The following PIP5K1B variants were observed in gnomAD, a reference collection of about 807,000 sequenced individuals.
PIP5K1B encodes phosphatidylinositol-4-phosphate 5-kinase type 1 beta.
In PIP5K1B, 42 loss-of-function variants were observed where a neutral mutation model predicts 67.0. The ratio of observed to expected loss-of-function variants is 0.63; its 90% CI spans 0.49 to 0.81. PIP5K1B has a LOEUF of 0.81. Ranked by LOEUF, PIP5K1B falls within the 30% of genes least tolerant of loss-of-function variation. PIP5K1B has a pLI of 0.00. For synonymous variants in PIP5K1B, 214 were observed against 231.4 expected, an observed-to-expected ratio of 0.92 and a Z score of 0.68; for missense variants, 459 against 646.3, an observed-to-expected ratio of 0.71 and a Z score of 3.14.
At chr9:68,911,642 G>C (rs898676605) in intron 8 of PIP5K1B, among the ~76,000 whole-genome samples, 1 of 152,126 alleles carries the variant, frequency 6.6e-6, no homozygotes, top group African/African-American at 2.4e-5. Flanking sequence ...TGTAATCCCA[G>C]CACTTTAGGA....
At chr9:68,985,360 T>C (rs1830057109) in intron 14 of PIP5K1B, among the ~76,000 whole-genome samples, 1 of 151,982 alleles carries the variant, frequency 6.6e-6, no homozygotes, top group Admixed American at 6.6e-5. Flanking sequence ...CAAGCAATTC[T>C]CCTGCCTCAG....
intron 14 of PIP5K1B, among the ~76,000 whole-genome samples, chr9:68,965,820 G>T (rs561411358): frequency 6.6e-6 from 1 of 151,736 alleles, no homozygotes; most frequent in Admixed American, 6.6e-5. Context: ...ACAAAAATTC[G>T]CCAGGCATGA....
chr9:68,859,882 C>T (rs1471019737), intron 4 of PIP5K1B, among the ~76,000 whole-genome samples: 1 of 152,164 alleles, frequency 6.6e-6, no homozygotes, highest in Non-Finnish European at 1.5e-5. Context: ...TTCCACAAAG[C>T]AGACAAGATG....
intron 15 of PIP5K1B, among the ~76,000 whole-genome samples, chr9:68,992,788 C>T (rs1463740636): frequency 1.5e-5 from 2 of 136,742 alleles, no homozygotes; most frequent in Non-Finnish European, 3.0e-5. Flanking sequence ...TGCAATGAGC[C>T]GAGATCATGC....
chr9:68,915,640 T>G (rs1002548488), intron 8 of PIP5K1B, among the ~76,000 whole-genome samples: 1 of 152,038 alleles, frequency 6.6e-6, no homozygotes, highest in Non-Finnish European at 1.5e-5. Flanking sequence ...TTGACATCAC[T>G]CCTCCTTCCA....
chr9:68,729,562 C>A (rs2132284654), intron 1 of PIP5K1B, among the ~76,000 whole-genome samples: 1 of 152,280 alleles, frequency 6.6e-6, no homozygotes, highest in East Asian at 1.9e-4. Flanking sequence ...TCTATACACA[C>A]ATAATGGTCA....
rs78503573 is a variant in PIP5K1B, at chr9:68,904,014, T to C, written c.771+9376T>C. On this transcript the variant is annotated intron_variant, in intron 8 of 15. Transcript: ENST00000265382. ...TTTGAGCCAGACAATCTATTACATA[T>C]AGGTTCTCTCATTCATCTTCACAAC... Among the ~76,000 whole-genome samples, 4 of 152,344 alleles carry C rather than the reference T, an allele frequency of 2.6e-5. No individual in the cohort carries two copies. In the East Asian group the frequency reaches 7.7e-4, roughly 29 times the overall value.
intron 2 of PIP5K1B, among the ~76,000 whole-genome samples, chr9:68,777,438 G>T (rs1307944032): frequency 6.6e-6 from 1 of 152,212 alleles, no homozygotes; most frequent in Admixed American, 6.5e-5. Context: ...AGAGTAAGGG[G>T]CATGCAAATG....
intron 14 of PIP5K1B, among the ~76,000 whole-genome samples, chr9:68,988,919 A>G (rs1325297296): frequency 1.3e-5 from 2 of 148,264 alleles, no homozygotes; most frequent in South Asian, 4.3e-4. Context: ...ACATGGTGAA[A>G]CCCCACCTCT....
At chr9:68,938,377 T>C (rs1827380756) in intron 13 of PIP5K1B, among the ~76,000 whole-genome samples, 1 of 152,222 alleles carries the variant, frequency 6.6e-6, no homozygotes, top group Admixed American at 6.5e-5. Flanking sequence ...TCTTTTGATC[T>C]TTGTTGGTTT....
chr9:68,938,010 A>G (rs748487524), intron 13 of PIP5K1B, among the ~76,000 whole-genome samples: 4 of 152,118 alleles, frequency 2.6e-5, no homozygotes, highest in Non-Finnish European at 1.5e-5. Flanking sequence ...GGAGTGTTTT[A>G]CTTCCAATTA....
intron 4 of PIP5K1B, among the ~76,000 whole-genome samples, chr9:68,831,296 A>C (rs959743076): frequency 6.6e-6 from 1 of 152,254 alleles, no homozygotes; most frequent in African/African-American, 2.4e-5. Flanking sequence ...AGCAATGCTA[A>C]TAATAGAGTT....
chr9:68,720,659 A>G (rs1044450748), intron 1 of PIP5K1B, among the ~76,000 whole-genome samples: 7 of 151,682 alleles, frequency 4.6e-5, no homozygotes, highest in South Asian at 2.1e-4. Context: ...AAACTTCCCA[A>G]ATAACTTCCA....
At chr9:68,955,558 A>G (rs1272889206) in intron 14 of PIP5K1B, among the ~76,000 whole-genome samples, 4 of 152,208 alleles carry the variant, frequency 2.6e-5, no homozygotes, top group Non-Finnish European at 5.9e-5. Context: ...TCTCAGTGCG[A>G]TCTCTGGAAA....
chr9:68,763,465 C>G lies in PIP5K1B; in HGVS notation c.-86+20808C>G, dbSNP rs945504462. The stretch of plus-strand genomic sequence containing the variant: ...GCTTGATATATAAAAAAGCACTCAA[C>G]GAATGTCAGCTGCCTTTGAGACGAT... On this transcript the variant is annotated intron_variant, in intron 2 of 15. Coordinates refer to ENST00000265382, the MANE Select transcript of PIP5K1B (RefSeq NM_003558.4). 4.6e-5 allele frequency among the ~76,000 whole-genome samples: 7 copies of G among 152,002 alleles called. 1 individual carries two copies. Among genetic ancestry groups the G allele is most frequent in the Admixed American group, 3.9e-4 (6 of 15,252 alleles).
intron 4 of PIP5K1B, among the ~76,000 whole-genome samples, chr9:68,857,236 C>T (rs1225515130): frequency 6.6e-6 from 1 of 152,120 alleles, no homozygotes; most frequent in Non-Finnish European, 1.5e-5. Context: ...TTTTTTAAGC[C>T]ACTAAGCTTG....
chr9:68,739,652 T>C (rs1030602568), intron 1 of PIP5K1B, among the ~76,000 whole-genome samples: 1 of 152,230 alleles, frequency 6.6e-6, no homozygotes, highest in African/African-American at 2.4e-5. Flanking sequence ...CTCAGCCTGC[T>C]GTTTCCTGTG....
At chr9:68,771,049 T>C (rs565415972) in intron 2 of PIP5K1B, among the ~76,000 whole-genome samples, 1 of 152,172 alleles carries the variant, frequency 6.6e-6, no homozygotes, top group South Asian at 2.1e-4. Context: ...AAGAGGAATC[T>C]AGAGACCAAA....
At chr9:68,764,000 T>G (rs1830306989) in intron 2 of PIP5K1B, among the ~76,000 whole-genome samples, 1 of 151,630 alleles carries the variant, frequency 6.6e-6, no homozygotes, top group Non-Finnish European at 1.5e-5. Context: ...CTGGAAATGC[T>G]GGTTACACTC....
Sources: allele counts gnomAD v4.1 joint callset (sites outside exome capture counted in the v4.1 genomes callset), GRCh38; gene constraint gnomAD v4.1.1; transcripts MANE v1.5; gene names NCBI Gene and HGNC (gene_info 2026-07-23, HGNC 2026-07-21).